Variants in THSD7B observed in about 807,000 individuals in gnomAD.
THSD7B encodes the protein thrombospondin type 1 domain containing 7B, also known as thrombospondin type-1 domain-containing protein 7B.
A neutral mutation model predicts 213.6 loss-of-function variants in THSD7B; 138 were observed. The ratio of observed to expected loss-of-function variants is 0.65; its 90% confidence interval spans 0.56 to 0.74. THSD7B has a LOEUF of 0.74. Among genes scored for constraint, THSD7B ranks in the 30% least tolerant of loss-of-function variants. The pLI is 0.00. For missense variants in THSD7B, 1,931 were observed against 1,991.5 expected (o/e 0.97, Z 0.58); for synonymous variants, 742 against 687.0 (o/e 1.08, Z -1.25).
At chr2:137,605,828 C>T (rs1366289645) in intron 17 of THSD7B, among the ~76,000 whole-genome samples, 1 of 151,862 alleles carries the variant, frequency 6.6e-6, no homozygotes, top group East Asian at 1.9e-4. Flanking sequence ...GCCACCACGC[C>T]CAGCTAATTT....
intron 18 of THSD7B, among the ~76,000 whole-genome samples, chr2:137,617,845 G>T (rs576031930): frequency 1.3e-5 from 2 of 152,026 alleles, no homozygotes; most frequent in Non-Finnish European, 2.9e-5. Context: ...GATGGAAGGC[G>T]CAAACAAGCT....
At chr2:137,331,870 CCGGGGCCGG>C (rs1243854507) in intron 12 of THSD7B, among the ~76,000 whole-genome samples, 2 of 152,182 alleles carry the variant, frequency 1.3e-5, no homozygotes, top group Non-Finnish European at 2.9e-5. Context: ...CCCTCATTGC[CCGGGGCCGG>C]CGGGGCCGGC....
intron 5 of THSD7B, among the ~76,000 whole-genome samples, chr2:137,159,917 C>G (rs1354058480): frequency 6.6e-6 from 1 of 152,084 alleles, no homozygotes; most frequent in African/African-American, 2.4e-5. Flanking sequence ...AGTCATAACT[C>G]TAGATAATTT....
rs146582954 is a variant in THSD7B, at chr2:137,197,051, G to T, written c.1723+26113G>T. On this transcript the variant is annotated intron_variant, in intron 7 of 27. Transcript: ENST00000409968. The stretch of plus-strand genomic sequence containing the variant: ...ATGAGGAAATATCTAATGTAATCAT[G>T]AAGAAACTTCGGACCAATGCAAATT... Among the ~76,000 whole-genome samples the T allele has an allele frequency of 4.6e-5, 7 of 152,268 alleles. No individual in the cohort carries two copies. In the East Asian group the frequency reaches 1.4e-3, roughly 29 times the overall value.
At chr2:137,101,738 G>T (rs1248290643) in intron 4 of THSD7B, among the ~76,000 whole-genome samples, 1 of 152,166 alleles carries the variant, frequency 6.6e-6, no homozygotes. Context: ...GCTTGAGTAG[G>T]TGGTTTTCCC....
At chr2:137,118,313 C>T (rs1265771106) in intron 5 of THSD7B, among the ~76,000 whole-genome samples, 1 of 152,144 alleles carries the variant, frequency 6.6e-6, no homozygotes, top group Non-Finnish European at 1.5e-5. Context: ...AGTCCTTTCT[C>T]AGAAAGTAAA....
intron 12 of THSD7B, among the ~76,000 whole-genome samples, chr2:137,374,334 G>T (rs887582353): frequency 1.3e-5 from 2 of 151,844 alleles, no homozygotes; most frequent in African/African-American, 4.8e-5. Flanking sequence ...TATTTTCTTT[G>T]GTCTTTTTAA....
chr2:137,207,927 G>A (rs1009424273), intron 7 of THSD7B, among the ~76,000 whole-genome samples: 1 of 152,030 alleles, frequency 6.6e-6, no homozygotes, highest in Non-Finnish European at 1.5e-5. Flanking sequence ...CCGTGGTTTT[G>A]CAGTAAAGAG....
At chr2:137,068,672 G>A (rs550873289) in intron 3 of THSD7B, among the ~76,000 whole-genome samples, 74 of 152,126 alleles carry the variant, frequency 4.9e-4, no homozygotes, top group African/African-American at 1.7e-3. Flanking sequence ...ATGAACTATA[G>A]GTTTCCCTAA....
intron 2 of THSD7B, among the ~76,000 whole-genome samples, chr2:136,893,430 T>C (rs1185560468): frequency 6.6e-6 from 1 of 152,210 alleles, no homozygotes; most frequent in Non-Finnish European, 1.5e-5. Context: ...TGGCAGAGTT[T>C]TGATATTTTA....
chr2:137,195,306 G>A (rs953337227), intron 7 of THSD7B, among the ~76,000 whole-genome samples: 3 of 151,318 alleles, frequency 2.0e-5, no homozygotes, highest in Admixed American at 6.6e-5. Flanking sequence ...CAATTTTTCA[G>A]CTTCTTTATT....
chr2:137,279,227 G>A (rs1682940045), intron 12 of THSD7B, among the ~76,000 whole-genome samples: 1 of 151,976 alleles, frequency 6.6e-6, no homozygotes, highest in South Asian at 2.1e-4. Context: ...TACTACTTTG[G>A]TAAAAATATA....
In THSD7B at chr2:137,448,862, T is replaced by G. The variant is rs748753331; in HGVS notation, c.2960-1983T>G. Among the ~76,000 whole-genome samples, 13 of 152,058 alleles carry G rather than the reference T, an allele frequency of 8.5e-5. 1 individual carries two copies. The highest frequency in any genetic ancestry group is 5.9e-4 in the Admixed American group (9 of 15,280). On this transcript the variant is annotated intron_variant, in intron 14 of 27. Coordinates refer to ENST00000409968, the MANE Select transcript of THSD7B (RefSeq NM_001316349.2). The stretch of plus-strand genomic sequence containing the variant: ...AAAAACTACCCTTTCCTGGGTCCCA[T>G]CCTCTGAGAATCAGGTGGAATTGGT...
At chr2:137,193,144 C>T (rs12995129) in intron 7 of THSD7B, among the ~76,000 whole-genome samples, 7,033 of 152,178 alleles carry the variant, frequency 0.046, 200 homozygotes, top group Admixed American at 0.071. Flanking sequence ...ACCTCTCCAC[C>T]GTCCAGTAAC....
intron 7 of THSD7B, among the ~76,000 whole-genome samples, chr2:137,198,000 A>AT (rs1286337035): frequency 6.6e-6 from 1 of 152,094 alleles, no homozygotes; most frequent in African/African-American, 2.4e-5. Flanking sequence ...TGGTGAGTTC[A>AT]TTTTTTATTT....
intron 15 of THSD7B, among the ~76,000 whole-genome samples, chr2:137,527,947 A>G (rs1256468765): frequency 1.3e-5 from 2 of 152,130 alleles, no homozygotes; most frequent in Non-Finnish European, 2.9e-5. Context: ...TCCTGAATCA[A>G]TTAATTCCTA....
intron 15 of THSD7B, among the ~76,000 whole-genome samples, chr2:137,534,493 A>G (rs1372173019): frequency 3.3e-5 from 5 of 151,730 alleles, no homozygotes; most frequent in African/African-American, 9.7e-5. Flanking sequence ...GAGAAAGTGC[A>G]CTTAAGTTTT....
chr2:136,843,310 T>G (rs747578161), intron 1 of THSD7B, among the ~76,000 whole-genome samples: 37 of 152,180 alleles, frequency 2.4e-4, no homozygotes, highest in Non-Finnish European at 4.8e-4. Flanking sequence ...TTCTTACACT[T>G]CCCAAGAGGC....
At chr2:137,630,866 A>C (rs986500366) in intron 20 of THSD7B, among the ~76,000 whole-genome samples, 1 of 152,200 alleles carries the variant, frequency 6.6e-6, no homozygotes, top group African/African-American at 2.4e-5. Context: ...AAACTTCAGC[A>C]GCTGCAGTTC....
Sources: allele counts gnomAD v4.1 joint callset (sites outside exome capture counted in the v4.1 genomes callset), GRCh38; gene constraint gnomAD v4.1.1; transcripts MANE v1.5; gene names NCBI Gene and HGNC (gene_info 2026-07-23, HGNC 2026-07-21).